The following PCDHGA5 variants were observed in gnomAD, a reference collection of about 807,000 sequenced individuals.
The protein encoded by PCDHGA5 is protocadherin gamma subfamily A, 5.
A neutral mutation model predicts 56.7 loss-of-function variants in PCDHGA5; 36 were observed. The ratio of observed to expected loss-of-function variants is 0.64; its 90% CI spans 0.49 to 0.84. The LOEUF is 0.84. Among genes scored for constraint, PCDHGA5 ranks in the 40% least tolerant of loss-of-function variants. The pLI is 0.00. For synonymous variants in PCDHGA5, 563 were observed against 520.2 expected (o/e 1.08, Z -1.12); for missense variants, 1,305 against 1,201.5 (o/e 1.09, Z -1.27).
Position 141,486,253 on chromosome 5 carries a change from C to A in PCDHGA5, c.2422-8554C>A. The A allele has an allele frequency of 6.2e-7, 1 of 1,614,138 alleles. No individual in the cohort carries two copies. Among genetic ancestry groups the A allele is most frequent in the Non-Finnish European group, 8.5e-7 (1 of 1,180,006 alleles). On this transcript the variant is annotated intron_variant, in intron 1 of 3. Transcript: ENST00000518069. This position sits in a 1 kb window ranked among gnomAD's most constrained non-coding sequence, Gnocchi z 5.0. ...TGACCTCAGAGCTTGGAACCCTCCC[C>A]GAGAGTGCAGAACCTGGCACTGTGG...
At position 141,454,796 on chromosome 5, in the gene PCDHGA5, A is replaced by ATTTTTTTTTTTTTTTTTTTT. The variant is rs61612330; in HGVS notation, c.2422-40001_2422-39982dup. Among the ~76,000 whole-genome samples, 20 of 77,456 alleles carry ATTTTTTTTTTTTTTTTTTTT rather than the reference A, an allele frequency of 2.6e-4. 2 individuals carry two copies. Among genetic ancestry groups the ATTTTTTTTTTTTTTTTTTTT allele is most frequent in the South Asian group, 5.1e-4 (1 of 1,960 alleles). The allele number at this position is 77,456 out of a possible 152,430, so 50.8% of individuals were successfully genotyped here. On this transcript the variant is annotated intron_variant, in intron 1 of 3. Transcript: ENST00000518069. Reference sequence around the variant, plus strand: ...AAGGAAATAATCCTCCATGGTTCTAATTTTTTTTTTTTTTTTTTTTTTTTT... The same window carrying ATTTTTTTTTTTTTTTTTTTT: ...AAGGAAATAATCCTCCATGGTTCTAATTTTTTTTTTTTTTTTTTTTTTTTTTTTTTTTTTTTTTTTTTTTT...
At position 141,489,157 on chromosome 5, in the gene PCDHGA5, C is replaced by A. The variant is rs1222682069; in HGVS notation, c.2422-5650C>A. 1.0e-6 allele frequency: 1 copy of A among 984,444 alleles called. No homozygotes were observed. The highest frequency in any genetic ancestry group is 1.6e-5 in the African/African-American group (1 of 61,296). The allele number at this position is 984,444 out of a possible 1,614,324, so 61.0% of individuals were successfully genotyped here. On this transcript the variant is annotated intron_variant, in intron 1 of 3. Coordinates refer to ENST00000518069, the MANE Select transcript of PCDHGA5 (RefSeq NM_018918.3). This position sits in a 1 kb window ranked among gnomAD's most constrained non-coding sequence, Gnocchi z 4.5. ...AGAGGCTGGAAGGAGACATAAGAGA[C>A]TTCAGCTGCTGCATTCCAAGCCCTG...
intron 1 of PCDHGA5, chr5:141,419,181 A>T (rs769321564): frequency 1.9e-6 from 3 of 1,613,858 alleles, no homozygotes; most frequent in Admixed American, 3.3e-5. Flanking sequence ...ATAACCCTGC[A>T]CATTACTGAC....
At chr5:141,504,990 C>T (rs1056476591) in intron 2 of PCDHGA5, among the ~76,000 whole-genome samples, 3 of 151,976 alleles carry the variant, frequency 2.0e-5, no homozygotes, top group Non-Finnish European at 2.9e-5. Context: ...GGTGAAACCC[C>T]GTCTGTACTA....
At chr5:141,507,862 G>A (rs17286954) in intron 3 of PCDHGA5, among the ~76,000 whole-genome samples, 4 of 152,076 alleles carry the variant, frequency 2.6e-5, no homozygotes, top group African/African-American at 7.2e-5. Flanking sequence ...TTTCACACCC[G>A]CTTCCTAGCC....
chr5:141,435,686 T>C (rs2097774326), intron 1 of PCDHGA5, among the ~76,000 whole-genome samples: 1 of 152,340 alleles, frequency 6.6e-6, no homozygotes, highest in Non-Finnish European at 1.5e-5. Flanking sequence ...GAGAACTTTA[T>C]GCTTATTGTA....
At chr5:141,413,562 T>C in intron 1 of PCDHGA5, 1 of 1,613,850 alleles carries the variant, frequency 6.2e-7, no homozygotes, top group Non-Finnish European at 8.5e-7. Context: ...AAGTAACTGA[T>C]ATCAATGACA....
At chr5:141,374,236 T>C in intron 1 of PCDHGA5, 1 of 1,613,974 alleles carries the variant, frequency 6.2e-7, no homozygotes, top group Non-Finnish European at 8.5e-7. Flanking sequence ...TCGTCAAGGA[T>C]CTGGGACTGG....
chr5:141,374,484 TAAAGG>T, intron 1 of PCDHGA5: 1 of 1,611,588 alleles, frequency 6.2e-7, no homozygotes, highest in Non-Finnish European at 8.5e-7. Flanking sequence ...CCCCGATTCT[TAAAGG>T]AAGAATTGGA....
Position 141,490,369 on chromosome 5 carries a change from C to T in PCDHGA5, c.2422-4438C>T, listed in dbSNP as rs201347968. On this transcript the variant is annotated intron_variant, in intron 1 of 3. Transcript: ENST00000518069. This position sits in a 1 kb window ranked among gnomAD's most constrained non-coding sequence, Gnocchi z 5.4. ...AGTGGGGTTGTTTAATGTGCGAGAC[C>T]GGGACTCAGGTAGAAATGGTGAAGT... The T allele has an allele frequency of 4.0e-5, 64 of 1,614,090 alleles. No individual in the cohort carries two copies. In the Admixed American group the frequency reaches 6.0e-4, roughly 15 times the overall value.
In PCDHGA5 at chr5:141,511,217, C is replaced by A. The variant is rs766814445; in HGVS notation, c.*44C>A. On this transcript the variant is annotated 3_prime_UTR_variant, in exon 4 of 4. Transcript: ENST00000518069. ...AGCCACAGGGCGGCCTCTCCCCAAC[C>A]AGCCCAGCTTCTCCTTACCTGCACC... The A allele has an allele frequency of 2.5e-6, 4 of 1,607,588 alleles. No homozygotes were observed. Among genetic ancestry groups the A allele is most frequent in the Non-Finnish European group, 3.4e-6 (4 of 1,177,026 alleles).
In PCDHGA5 at chr5:141,485,697, A is replaced by G. The variant is rs76923861; in HGVS notation, c.2422-9110A>G. 48,100 of 1,614,036 alleles carry G rather than the reference A, an allele frequency of 0.03. 1,433 individuals carry two copies. Among genetic ancestry groups the G allele is most frequent in the African/African-American group, 0.15 (11,542 of 75,006 alleles). The stretch of plus-strand genomic sequence containing the variant: ...ATTAGCAGCTATAGGCTGAGCTCCA[A>G]TGAACACTTTGCACTGGATGTGAAG... On this transcript the variant is annotated intron_variant, in intron 1 of 3. Transcript: ENST00000518069. The surrounding 1 kb of genome is among the most constrained non-coding windows in gnomAD (Gnocchi z 5.7).
Position 141,490,583 on chromosome 5 carries a change from A to G in PCDHGA5, c.2422-4224A>G, listed in dbSNP as rs2099701693. ...ATCAGGCTCAACATTTCAGATGTCAATGACAATGCACCCCGCTTCAACCAG... is the reference window on the plus strand; with the variant it reads ...ATCAGGCTCAACATTTCAGATGTCAGTGACAATGCACCCCGCTTCAACCAG... On this transcript the variant is annotated intron_variant, in intron 1 of 3. Coordinates refer to ENST00000518069, the MANE Select transcript of PCDHGA5 (RefSeq NM_018918.3). This position sits in a 1 kb window ranked among gnomAD's most constrained non-coding sequence, Gnocchi z 5.4. 2.5e-6 allele frequency: 4 copies of G among 1,614,138 alleles called. No homozygotes were observed. Among genetic ancestry groups the G allele is most frequent in the African/African-American group, 1.3e-5 (1 of 75,032 alleles).
intron 1 of PCDHGA5, among the ~76,000 whole-genome samples, chr5:141,462,868 T>C (rs1232965498): frequency 6.6e-6 from 1 of 152,228 alleles, no homozygotes; most frequent in East Asian, 1.9e-4. Context: ...TTTGTCTTTC[T>C]TTAAGAACTA....
intron 1 of PCDHGA5, chr5:141,418,096 G>A (rs772001018): frequency 6.2e-7 from 1 of 1,614,078 alleles, no homozygotes; most frequent in East Asian, 2.2e-5. Context: ...GCGTAGACGC[G>A]CAGAGCGGGG....
intron 1 of PCDHGA5, among the ~76,000 whole-genome samples, chr5:141,380,336 G>C (rs1221282125): frequency 6.6e-6 from 1 of 152,060 alleles, no homozygotes; most frequent in Non-Finnish European, 1.5e-5. Flanking sequence ...GAACTTCAAA[G>C]AACTGTTTTG....
intron 1 of PCDHGA5, among the ~76,000 whole-genome samples, chr5:141,445,553 A>T (rs948468877): frequency 1.3e-5 from 2 of 152,252 alleles, no homozygotes; most frequent in Non-Finnish European, 1.5e-5. Context: ...ATACAAAAGC[A>T]CTAAGAGAAA....
intron 1 of PCDHGA5, chr5:141,433,049 C>A (rs1418118305): frequency 6.2e-7 from 1 of 1,614,110 alleles, no homozygotes; most frequent in Admixed American, 1.7e-5. Flanking sequence ...CACGGACTCG[C>A]GGAAGAGTCA....
At chr5:141,447,884 G>A (rs1324802340) in intron 1 of PCDHGA5, among the ~76,000 whole-genome samples, 1 of 152,024 alleles carries the variant, frequency 6.6e-6, no homozygotes, top group Non-Finnish European at 1.5e-5. Context: ...TCAGGAGTTC[G>A]AGACCAGCCT....
Sources: allele counts gnomAD v4.1 joint callset (sites outside exome capture counted in the v4.1 genomes callset), GRCh38; gene constraint gnomAD v4.1.1; non-coding constraint Gnocchi (gnomAD v3.1); transcripts MANE v1.5; gene names NCBI Gene and HGNC (gene_info 2026-07-23, HGNC 2026-07-21).